FYN: variants seen among roughly 807,000 people sequenced by gnomAD.
The protein encoded by FYN is tyrosine-protein kinase Fyn.
FYN carries 10 observed loss-of-function variants against 70.2 expected under a neutral mutation model. That is an observed-to-expected ratio of 0.14 (90% CI 0.09 to 0.24). The LOEUF (loss-of-function observed/expected upper bound fraction) is 0.24. FYN is among the 10% of genes least tolerant of loss of function. The probability of loss-of-function intolerance (pLI) is 1.00; values close to 1 mark genes in which losing one functional copy is unlikely to be tolerated. For missense variants in FYN, 319 were observed against 673.1 expected (o/e 0.47, Z 5.82); for synonymous variants, 236 against 248.6 (o/e 0.95, Z 0.48).
intron 13 of FYN, among the ~76,000 whole-genome samples, chr6:111,670,898 T>A (rs1199517181): frequency 6.6e-6 from 1 of 152,150 alleles, no homozygotes; most frequent in African/African-American, 2.4e-5. Context: ...GAAAACTGCT[T>A]TTACTTAAGT....
At chr6:111,750,710 T>C (rs1285944445) in intron 3 of FYN, among the ~76,000 whole-genome samples, 1 of 145,270 alleles carries the variant, frequency 6.9e-6, no homozygotes, top group East Asian at 2.1e-4. Context: ...CCAGTACAAT[T>C]CATGTCATTT....
intron 12 of FYN, among the ~76,000 whole-genome samples, chr6:111,680,857 A>C (rs919735009): frequency 3.3e-5 from 5 of 152,034 alleles, no homozygotes; most frequent in Non-Finnish European, 7.4e-5. Context: ...TGCATGAATT[A>C]TTTTTCTGAG....
chr6:111,685,863 C>T (rs1473677965), intron 12 of FYN, among the ~76,000 whole-genome samples: 1 of 152,038 alleles, frequency 6.6e-6, no homozygotes, highest in African/African-American at 2.4e-5. Flanking sequence ...ATGGGACTGA[C>T]CAGCACAGAT....
chr6:111,773,379 AG>A (rs1426224056), intron 3 of FYN, among the ~76,000 whole-genome samples: 2 of 2,466 alleles, frequency 8.1e-4, no homozygotes, highest in African/African-American at 2.2e-3. Context: ...GCAGAGGAGG[AG>A]GGGGGGAGGG....
In FYN at chr6:111,718,428, C is replaced by T. The variant is rs116034348; in HGVS notation, c.247+1377G>A. Among the ~76,000 whole-genome samples the T allele has an allele frequency of 2.3e-3, 351 of 152,312 alleles. 1 individual carries two copies. The highest frequency in any genetic ancestry group is 7.4e-3 in the African/African-American group (309 of 41,560). On this transcript the variant is annotated intron_variant, in intron 4 of 13. Coordinates refer to ENST00000354650, the MANE Select transcript of FYN (RefSeq NM_002037.5). ...CTTAAACAAAGACTCCTCCTGACTA[C>T]GGTGGAGACCCACATGCTCAACACA...
chr6:111,797,660 A>T (rs1245867978), intron 2 of FYN, among the ~76,000 whole-genome samples: 2 of 127,198 alleles, frequency 1.6e-5, no homozygotes, highest in African/African-American at 2.6e-5. Context: ...TCAAAATCAA[A>T]GTTTCATATA....
chr6:111,764,238 G>GAA (rs753761011), intron 3 of FYN, among the ~76,000 whole-genome samples: 3 of 87,120 alleles, frequency 3.4e-5, no homozygotes, highest in African/African-American at 4.6e-5. Context: ...AAAAAGAAAA[G>GAA]AAAAAAAAAG....
chr6:111,753,185 T>C (rs1348585025), intron 3 of FYN, among the ~76,000 whole-genome samples: 1 of 152,250 alleles, frequency 6.6e-6, no homozygotes, highest in Admixed American at 6.5e-5. Context: ...GCATTTGGTC[T>C]GATCCTCCAT....
chr6:111,867,602 T>C (rs1774152213), intron 1 of FYN, among the ~76,000 whole-genome samples: 1 of 152,080 alleles, frequency 6.6e-6, no homozygotes, highest in Non-Finnish European at 1.5e-5. Context: ...CCTGCTTTCC[T>C]TATTGGACTG....
chr6:111,800,427 G>A lies in FYN; in HGVS notation c.-81-19792C>T, dbSNP rs73766737. Among the ~76,000 whole-genome samples the A allele has an allele frequency of 4.7e-3, 722 of 152,244 alleles. 5 individuals are homozygous for A. Among genetic ancestry groups the A allele is most frequent in the African/African-American group, 0.016 (661 of 41,530 alleles). ...GGGACGAGTCCTCACAGCCACTCAC[G>A]GGAGTGGAGCAGGAGGGATGGACAC... On this transcript the variant is annotated intron_variant, in intron 2 of 13. Coordinates refer to ENST00000354650, the MANE Select transcript of FYN (RefSeq NM_002037.5).
intron 8 of FYN, chr6:111,702,591 C>A (rs1201105630): frequency 3.9e-6 from 1 of 257,612 alleles, no homozygotes; most frequent in Non-Finnish European, 7.3e-6. Context: ...TGGGAAAAGA[C>A]AACTTGAAGA....
intron 2 of FYN, among the ~76,000 whole-genome samples, chr6:111,810,112 A>T (rs756901832): frequency 1.3e-5 from 2 of 152,206 alleles, no homozygotes; most frequent in African/African-American, 2.4e-5. Context: ...TTGTAATCTG[A>T]ATCCTGTCTT....
At chr6:111,772,204 T>C (rs1465271351) in intron 3 of FYN, among the ~76,000 whole-genome samples, 5 of 152,270 alleles carry the variant, frequency 3.3e-5, no homozygotes, top group Admixed American at 2.0e-4. Context: ...AAAAAATGTT[T>C]AGCCTAATCA....
At chr6:111,698,849 A>G (rs1156356510) in intron 9 of FYN, among the ~76,000 whole-genome samples, 3 of 151,822 alleles carry the variant, frequency 2.0e-5, no homozygotes, top group Admixed American at 2.0e-4. Context: ...CTTTGGGAGG[A>G]TGAAGCTGGC....
At chr6:111,750,787 G>A (rs1033001649) in intron 3 of FYN, among the ~76,000 whole-genome samples, 1 of 148,758 alleles carries the variant, frequency 6.7e-6, no homozygotes, top group Non-Finnish European at 1.5e-5. Context: ...CTGAAACAAA[G>A]GGCATGCGTT....
At chr6:111,819,308 T>A (rs112811337) in intron 2 of FYN, among the ~76,000 whole-genome samples, 23 of 152,168 alleles carry the variant, frequency 1.5e-4, no homozygotes, top group African/African-American at 5.5e-4. Flanking sequence ...CCAAAAGGAG[T>A]CTGTAAACTA....
chr6:111,731,211 T>C (rs1360036340), intron 3 of FYN, among the ~76,000 whole-genome samples: 2 of 152,260 alleles, frequency 1.3e-5, no homozygotes, highest in Non-Finnish European at 2.9e-5. Context: ...TCTGCAAATG[T>C]GGCCTCATCC....
chr6:111,683,165 C>A (rs554251716), intron 12 of FYN, among the ~76,000 whole-genome samples: 5 of 152,208 alleles, frequency 3.3e-5, no homozygotes, highest in Non-Finnish European at 7.3e-5. Flanking sequence ...ACAGACTTCA[C>A]GGGCAAACCC....
chr6:111,809,869 T>C (rs1011784834), intron 2 of FYN, among the ~76,000 whole-genome samples: 9 of 152,156 alleles, frequency 5.9e-5, no homozygotes, highest in African/African-American at 9.7e-5. Context: ...CACATAGATA[T>C]AGCAAAAATC....
Sources: gnomAD v4.1 joint callset for allele counts (sites outside exome capture counted in the v4.1 genomes callset) on GRCh38, gnomAD v4.1.1 for gene constraint, MANE v1.5 for transcripts, NCBI Gene and HGNC (gene_info 2026-07-23, HGNC 2026-07-21) for gene names.